The following PTPN23 variants were observed in gnomAD, a reference collection of about 807,000 sequenced individuals.
PTPN23 encodes the protein protein tyrosine phosphatase non-receptor type 23.
In PTPN23, 72 loss-of-function variants were observed where a neutral mutation model predicts 156.3. The observed-to-expected ratio is 0.46, with a 90% CI of 0.38 to 0.56. PTPN23 has a LOEUF of 0.56. Ranked by LOEUF, PTPN23 falls within the 20% of genes least tolerant of loss-of-function variation. The pLI is 0.00. For synonymous variants in PTPN23, 957 were observed against 899.6 expected, an observed-to-expected ratio of 1.06 and a Z score of -1.14; for missense variants, 1,974 against 2,171.5, an observed-to-expected ratio of 0.91 and a Z score of 1.81.
chr3:47,411,418 G>A lies in PTPN23; in HGVS notation c.3620G>A (p.Arg1207Gln), dbSNP rs1248812130. Residue 1207 changes from arginine to glutamine, a missense_variant, in exon 20 of 25, where the codon CGA (arginine) becomes CAA (glutamine). This residue lies in a region of PTPN23 where 731 missense variants were observed against 669.1 expected (regional missense o/e 1.09). Transcript: ENST00000265562. The surrounding 1 kb of genome is among the most constrained non-coding windows in gnomAD (Gnocchi z 6.3). ...CAAGATGCGCAGGAACATGATGCCC[G>A]AGGCCGTTCCATCGCCATTGCCCGC... The part of the protein sequence containing the change: ...ELQDAQEHDA[R>Q]GRSIAIARCY... The A allele has an allele frequency of 4.3e-6, 7 of 1,613,070 alleles. No individual in the cohort carries two copies. Among genetic ancestry groups the A allele is most frequent in the Non-Finnish European group, 4.2e-6 (5 of 1,180,024 alleles).
chr3:47,396,310 A>G (rs1704878738), intron 2 of PTPN23, 93 bp downstream of exon 2: 1 of 1,026,302 alleles, frequency 9.7e-7, no homozygotes, highest in Admixed American at 2.2e-5. Flanking sequence ...ATGGTGGCTC[A>G]ACGCCTATAA....
chr3:47,409,473 G>GA lies in PTPN23; in HGVS notation c.1856dup (p.Asn619LysfsTer45). The GA allele has an allele frequency of 1.2e-6, 2 of 1,614,186 alleles. No individual in the cohort carries two copies. Among genetic ancestry groups the GA allele is most frequent in the Non-Finnish European group, 1.7e-6 (2 of 1,180,028 alleles). ...ACCAGCTGAAGGTGTACCTGGAGCA[G>GA]AACCTGGCCGCCCAGGACCGTGTCC... On this transcript the variant is annotated frameshift_variant, in exon 18 of 25. Coordinates refer to ENST00000265562, the MANE Select transcript of PTPN23 (RefSeq NM_015466.4). LOFTEE classifies it high-confidence loss of function.
chr3:47,404,626 C>T (rs111238973), intron 2 of PTPN23, 26 bp from the exon 3 acceptor site: 2 of 1,612,008 alleles, frequency 1.2e-6, no homozygotes, highest in Non-Finnish European at 8.5e-7. Context: ...TGACAACAGG[C>T]CTGCTTCTCC....
At chr3:47,396,439 G>A (rs7615124) in intron 2 of PTPN23, 37 of 355,836 alleles carry the variant, frequency 1.0e-4, no homozygotes, top group Non-Finnish European at 1.8e-4. Flanking sequence ...GGCAGGTGTG[G>A]TGTCATGTGC....
chr3:47,412,187 T>G lies in PTPN23; in HGVS notation c.4167T>G (p.Ile1389Met). The change falls in exon 22 of 25, where the codon ATT (isoleucine) becomes ATG (methionine). Residue 1389 changes from isoleucine (I) to methionine (M), a missense_variant. Ile to Met is a conservative substitution (Grantham distance 10, BLOSUM62 1). This residue lies in a region of PTPN23 where 484 missense variants were observed against 516.0 expected (regional missense o/e 0.94). Coordinates refer to ENST00000265562, the MANE Select transcript of PTPN23 (RefSeq NM_015466.4). ...AGCGGCCGCTGCACACGCCCATCAT[T>G]GTGCACTGCAGGTAGAGGGTGGGCC... The part of the protein sequence containing the change: ...LHQRPLHTPI[I>M]VHCSSGVGRT... 1 of 1,613,220 alleles carries G rather than the reference T, an allele frequency of 6.2e-7. No individual in the cohort carries two copies. Among genetic ancestry groups the G allele is most frequent in the Non-Finnish European group, 8.5e-7 (1 of 1,180,022 alleles).
At chr3:47,402,258 T>C (rs568733810) in intron 2 of PTPN23, among the ~76,000 whole-genome samples, 1 of 152,114 alleles carries the variant, frequency 6.6e-6, no homozygotes, top group Admixed American at 6.6e-5. Context: ...GTCAGATGTA[T>C]ACATATTTAT....
chr3:47,385,656 G>A (rs754783040), intron 1 of PTPN23, among the ~76,000 whole-genome samples: 1 of 152,050 alleles, frequency 6.6e-6, no homozygotes, highest in Non-Finnish European at 1.5e-5. Flanking sequence ...TAGTCAGGGC[G>A]ACAGAGTGAG....
Position 47,410,426 on chromosome 3 carries a change from G to A in PTPN23, c.2628G>A (p.Ala876=), listed in dbSNP as rs141082182. Residue 876 remains alanine, a synonymous_variant, in exon 20 of 25, where the codon GCG becomes GCA. Coordinates refer to ENST00000265562, the MANE Select transcript of PTPN23 (RefSeq NM_015466.4). ...PQFSGPELAM[A]VRPATTTVDS... ...TCTCAGGCCCCGAGTTGGCCATGGC[G>A]GTTCGGCCAGCCACCACCACAGTAG... The A allele has an allele frequency of 2.5e-5, 40 of 1,611,418 alleles. No individual in the cohort carries two copies. The highest frequency in any genetic ancestry group is 3.3e-4 in the Middle Eastern group (2 of 6,074).
At position 47,410,154 on chromosome 3, in the gene PTPN23, T is replaced by A; in HGVS notation, c.2356T>A (p.Tyr786Asn). ...CAGCTCCACAGGCCCAGGACCCCACTATCTCTCAGGCCCCTTGCCCCCTGG... is the reference window on the plus strand; with the variant it reads ...CAGCTCCACAGGCCCAGGACCCCACAATCTCTCAGGCCCCTTGCCCCCTGG... ...FPSSTGPGPHYLSGPLPPGTY... is the reference protein window; with the variant it reads ...FPSSTGPGPHNLSGPLPPGTY... The change falls in exon 20 of 25, where the codon TAT becomes AAT. Residue 786 changes from tyrosine to asparagine, a missense_variant. By Grantham distance (143) the Tyr-to-Asn change is moderately radical (BLOSUM62 -2). This residue lies in a region of PTPN23 where 731 missense variants were observed against 669.1 expected (regional missense o/e 1.09). Transcript: ENST00000265562. 6.3e-7 allele frequency: 1 copy of A among 1,590,870 alleles called. No homozygotes were observed. The highest frequency in any genetic ancestry group is 2.3e-5 in the East Asian group (1 of 44,442).
intron 2 of PTPN23, among the ~76,000 whole-genome samples, chr3:47,397,341 AGTCTGTAAAAAACACAGCACCTGT>A (rs1553638845): frequency 1.3e-5 from 2 of 152,240 alleles, no homozygotes; most frequent in Non-Finnish European, 2.9e-5. Flanking sequence ...ACAAACCTTC[AGTCTGTAAAAAACACAGCACCTGT>A]GAAGTGCAAT....
intron 2 of PTPN23, among the ~76,000 whole-genome samples, chr3:47,403,748 C>G (rs1158609219): frequency 1.3e-5 from 2 of 152,218 alleles, no homozygotes; most frequent in East Asian, 3.9e-4. Context: ...AGACTGGTAT[C>G]TAACTCCTGG....
Position 47,410,967 on chromosome 3 carries a change from A to G in PTPN23, c.3169A>G (p.Thr1057Ala), listed in dbSNP as rs1705269697. 6.3e-7 allele frequency: 1 copy of G among 1,596,176 alleles called. No individual in the cohort carries two copies. Among genetic ancestry groups the G allele is most frequent in the Non-Finnish European group, 8.5e-7 (1 of 1,173,842 alleles). ...PPLAYGPAPSTRPMGPQAAPL... is the reference protein window; with the variant it reads ...PPLAYGPAPSARPMGPQAAPL... ...ACTGGCATATGGTCCTGCCCCTTCT[A>G]CCAGACCCATGGGCCCCCAGGCAGC... Residue 1057 changes from threonine to alanine, a missense_variant, in exon 20 of 25, where the codon ACC becomes GCC. Physicochemically the swap from Thr to Ala is moderately conservative, Grantham distance 58 (BLOSUM62 0). Coordinates refer to ENST00000265562, the MANE Select transcript of PTPN23 (RefSeq NM_015466.4).
chr3:47,413,103 A>G lies in PTPN23; in HGVS notation c.4829A>G (p.Asn1610Ser). The part of the protein sequence containing the change: ...MSKHNFLQAH[N>S]GQGLRATRPS... ...AAGCATAACTTTCTGCAGGCCCATA[A>G]CGGGCAAGGGCTGCGGGCCACCCGG... The change falls in exon 25 of 25, where the codon AAC (asparagine) becomes AGC (serine). Residue 1610 changes from asparagine to serine, a missense_variant. This residue lies in a region of PTPN23 where 484 missense variants were observed against 516.0 expected (regional missense o/e 0.94). Transcript: ENST00000265562. The G allele has an allele frequency of 6.2e-7, 1 of 1,612,828 alleles. No homozygotes were observed. Among genetic ancestry groups the G allele is most frequent in the Non-Finnish European group, 8.5e-7 (1 of 1,180,018 alleles).
intron 2 of PTPN23, among the ~76,000 whole-genome samples, chr3:47,397,988 A>G (rs1412921918): frequency 6.6e-6 from 1 of 151,852 alleles, no homozygotes; most frequent in African/African-American, 2.4e-5. Context: ...GATATTTTCT[A>G]TGTCAGTTAT....
chr3:47,405,601 C>G lies in PTPN23; in HGVS notation c.365-148C>G, dbSNP rs922363234. 2 of 763,094 alleles carry G rather than the reference C, an allele frequency of 2.6e-6. No individual in the cohort carries two copies. Among genetic ancestry groups the G allele is most frequent in the Non-Finnish European group, 2.1e-6 (1 of 467,340 alleles). 47.3% of individuals were successfully genotyped at this position (763,094 alleles called of 1,614,324 possible). A position where few individuals can be genotyped will look rare whatever the true frequency, so the allele number is the denominator to read the frequency against. The stretch of plus-strand genomic sequence containing the variant: ...GGCAGGACTTCTGAGTTTCCCTGTT[C>G]CCTCCAGCTTGGGTGTCCTTGGACT... On this transcript the variant is annotated intron_variant, in intron 4 of 24. Coordinates refer to ENST00000265562, the MANE Select transcript of PTPN23 (RefSeq NM_015466.4). The surrounding 1 kb of genome is among the most constrained non-coding windows in gnomAD (Gnocchi z 4.7).
chr3:47,382,268 G>C (rs183620987), intron 1 of PTPN23, among the ~76,000 whole-genome samples: 37 of 151,770 alleles, frequency 2.4e-4, no homozygotes, highest in African/African-American at 8.7e-4. Flanking sequence ...CTAGAATTTT[G>C]TTAACGGTTA....
chr3:47,406,004 C>T lies in PTPN23; in HGVS notation c.504C>T (p.Asp168=). Residue 168 remains aspartate, a synonymous_variant, in exon 6 of 25, where the codon GAC becomes GAT. Transcript: ENST00000265562. This position sits in a 1 kb window ranked among gnomAD's most constrained non-coding sequence, Gnocchi z 5.8. The stretch of plus-strand genomic sequence containing the variant: ...ACTTCCCTCAAGCCTACAGCGTCGA[C>T]ATGAGCCGCCAGATCCTTACGCTCA... ...REHFPQAYSV[D]MSRQILTLNV... The T allele has an allele frequency of 6.2e-7, 1 of 1,613,690 alleles. No homozygotes were observed.
Position 47,405,954 on chromosome 3 carries a change from G to A in PTPN23, c.454G>A (p.Gly152Ser), listed in dbSNP as rs748516291. The A allele has an allele frequency of 2.5e-6, 4 of 1,613,920 alleles. No individual in the cohort carries two copies. The highest frequency in any genetic ancestry group is 1.1e-5 in the South Asian group (1 of 91,068). ...VSCTHFQCAA[G>S]AFAYLREHFP... ...CTGTACCCATTTCCAGTGCGCAGCC[G>A]GCGCCTTCGCCTACCTACGGGAGCA... Residue 152 changes from glycine to serine, a missense_variant, in exon 6 of 25, where the codon GGC (glycine) becomes AGC (serine). Transcript: ENST00000265562. This position sits in a 1 kb window ranked among gnomAD's most constrained non-coding sequence, Gnocchi z 4.7.
At chr3:47,387,458 A>G (rs1704678857) in intron 1 of PTPN23, among the ~76,000 whole-genome samples, 1 of 150,638 alleles carries the variant, frequency 6.6e-6, no homozygotes, top group South Asian at 2.1e-4. Flanking sequence ...ACACACCTGT[A>G]GTCCCTGCTA....
Sources: gnomAD v4.1 joint callset for allele counts (sites outside exome capture counted in the v4.1 genomes callset) on GRCh38, gnomAD v4.1.1 for gene constraint, gnomAD v4.1.1 regional missense constraint, Gnocchi (gnomAD v3.1) non-coding constraint, MANE v1.5 for transcripts, NCBI Gene and HGNC (gene_info 2026-07-23, HGNC 2026-07-21) for gene names.